The following TUBGCP4 variants were observed in gnomAD, a reference collection of about 807,000 sequenced individuals.
TUBGCP4 encodes gamma-tubulin complex component 4.
In TUBGCP4, 54 loss-of-function variants were observed where a neutral mutation model predicts 91.6. The ratio of observed to expected loss-of-function variants is 0.59; its 90% CI spans 0.47 to 0.74. TUBGCP4 has a LOEUF of 0.74. TUBGCP4 is among the 30% of genes least tolerant of loss of function. The probability of loss-of-function intolerance (pLI) is 0.00; values close to 1 mark genes in which losing one functional copy is unlikely to be tolerated. For missense variants in TUBGCP4, 593 were observed against 800.9 expected (o/e 0.74, Z 3.13); for synonymous variants, 297 against 302.8 (o/e 0.98, Z 0.20).
At chr15:43,373,004 A>C (rs2044147931) in intron 1 of TUBGCP4, among the ~76,000 whole-genome samples, 2 of 152,250 alleles carry the variant, frequency 1.3e-5, no homozygotes, top group Admixed American at 1.3e-4. Context: ...AAAGAAGACA[A>C]AGATGGCAAA....
chr15:43,399,130 A>T, intron 13 of TUBGCP4: 1 of 1,277,150 alleles, frequency 7.8e-7, no homozygotes. Flanking sequence ...AATTTTAAAA[A>T]CCAAACAGAA....
At chr15:43,394,775 C>T (rs2044553503) in intron 9 of TUBGCP4, 7 of 349,084 alleles carry the variant, frequency 2.0e-5, no homozygotes, top group Admixed American at 1.3e-4. Context: ...TCTCTTGCTC[C>T]TATTCCTGCC....
Position 43,408,099 on chromosome 15 carries a change from G to A in TUBGCP4, c.*2885G>A. On this transcript the variant is annotated 3_prime_UTR_variant, in exon 18 of 18. Transcript: ENST00000564079. ...TTTTCACGGGGTTGCCTATGAAGGA[G>A]ACAGGAAAGGACCTTAGCATGACAA... The A allele has an allele frequency of 1.2e-6, 2 of 1,612,780 alleles. No homozygotes were observed. Among genetic ancestry groups the A allele is most frequent in the Non-Finnish European group, 1.7e-6 (2 of 1,179,440 alleles).
intron 9 of TUBGCP4, chr15:43,394,817 G>T: frequency 2.4e-6 from 1 of 422,806 alleles, no homozygotes. Context: ...TGCCATGATT[G>T]TAAGTTTCCT....
At chr15:43,393,718 G>T (rs978828495) in intron 9 of TUBGCP4, among the ~76,000 whole-genome samples, 16 of 152,172 alleles carry the variant, frequency 1.1e-4, no homozygotes, top group African/African-American at 2.9e-4. Context: ...GTCCTTGTGA[G>T]AGTTTGCTGA....
Position 43,409,734 on chromosome 15 carries a change from CA to C in TUBGCP4, c.*4525del. The C allele has an allele frequency of 6.6e-7, 1 of 1,510,396 alleles. No homozygotes were observed. Among genetic ancestry groups the C allele is most frequent in the Non-Finnish European group, 9.0e-7 (1 of 1,117,178 alleles). The allele number at this position is 1,510,396 out of a possible 1,614,324, so 93.6% of individuals were successfully genotyped here. ...ACTGCTTGTTGAAAGGAGGAATTTC[CA>C]AAAATTCTATATTAAAAAAAAAAAC... On this transcript the variant is annotated 3_prime_UTR_variant, in exon 18 of 18. Coordinates refer to ENST00000564079, the MANE Select transcript of TUBGCP4 (RefSeq NM_014444.5).
chr15:43,398,064 C>T lies in TUBGCP4; in HGVS notation c.1303C>T (p.Pro435Ser). 1 of 1,613,812 alleles carries T rather than the reference C, an allele frequency of 6.2e-7. No individual in the cohort carries two copies. ...AGATGCTACTCAGGCAAGAGAAGGGCCTTCTCGGGAAACTTCTCCCCGGGA... is the reference window on the plus strand; with the variant it reads ...AGATGCTACTCAGGCAAGAGAAGGGTCTTCTCGGGAAACTTCTCCCCGGGA... ...HKDATQAREG[P>S]SRETSPREAP... The change falls in exon 13 of 18, where the codon CCT becomes TCT. Residue 435 changes from proline to serine, a missense_variant. Physicochemically the swap from Pro to Ser is moderately conservative, Grantham distance 74. Coordinates refer to ENST00000564079, the MANE Select transcript of TUBGCP4 (RefSeq NM_014444.5).
In TUBGCP4 at chr15:43,408,180, TC is replaced by T. The variant is rs769450021; in HGVS notation, c.*2967del. The T allele has an allele frequency of 1.7e-4, 223 of 1,313,522 alleles. No homozygotes were observed. The highest frequency in any genetic ancestry group is 2.3e-4 in the Non-Finnish European group (216 of 952,348). The allele number at this position is 1,313,522 out of a possible 1,614,324, so 81.4% of individuals were successfully genotyped here. Reference sequence around the variant, plus strand: ...GGGACTCATGTACATCTGAATGCTTTCAAAAATAAATGCCCCATCAGACATA... The same window carrying T: ...GGGACTCATGTACATCTGAATGCTTTAAAAATAAATGCCCCATCAGACATA... On this transcript the variant is annotated 3_prime_UTR_variant, in exon 18 of 18. Transcript: ENST00000564079.
intron 16 of TUBGCP4, 158 bp from the exon 17 acceptor site, chr15:43,404,255 A>C: frequency 1.3e-6 from 1 of 790,614 alleles, no homozygotes; most frequent in Non-Finnish European, 2.0e-6. Flanking sequence ...GGTACAAGTC[A>C]TTTTAGGAAC....
At chr15:43,402,006 C>T (rs1595501006) in intron 15 of TUBGCP4, 156 bp downstream of exon 15, 4 of 932,188 alleles carry the variant, frequency 4.3e-6, no homozygotes, top group Non-Finnish European at 6.2e-6. Flanking sequence ...GGCATGGTGG[C>T]TCATGCCTGT....
At chr15:43,399,464 C>T (rs1028146855) in intron 13 of TUBGCP4, among the ~76,000 whole-genome samples, 3 of 152,174 alleles carry the variant, frequency 2.0e-5, no homozygotes, top group African/African-American at 7.2e-5. Flanking sequence ...CCTGCCTCAA[C>T]CTCCCAAGCA....
At chr15:43,385,271 G>C in intron 7 of TUBGCP4, 2 of 446,528 alleles carry the variant, frequency 4.5e-6, no homozygotes, top group Middle Eastern at 3.9e-4. Flanking sequence ...TTCATGAAAT[G>C]TTATATGTCT....
At chr15:43,391,666 A>C (rs1282417673) in intron 9 of TUBGCP4, 1 of 152,000 alleles carries the variant, frequency 6.6e-6, no homozygotes, top group Non-Finnish European at 1.5e-5. Flanking sequence ...CTCAAGTGAA[A>C]CTTCTGCCCC....
intron 6 of TUBGCP4, among the ~76,000 whole-genome samples, chr15:43,381,775 T>G (rs928161261): frequency 1.6e-4 from 25 of 152,024 alleles, no homozygotes; most frequent in African/African-American, 6.0e-4. Flanking sequence ...AGTGTATCCT[T>G]TAGTTTCACC....
Position 43,386,285 on chromosome 15 carries a change from G to A in TUBGCP4, c.969G>A (p.Val323=), listed in dbSNP as rs766300515. The change falls in exon 9 of 18, where the codon GTG becomes GTA. Residue 323 remains valine (V), a synonymous_variant. Coordinates refer to ENST00000564079, the MANE Select transcript of TUBGCP4 (RefSeq NM_014444.5). ...RLKQQPLFSL[V]DFEQVVDRIR... Reference sequence around the variant, plus strand: ...AGCAGCAGCCACTCTTCAGCTTGGTGGACTTTGAACAGGTGGTGGATCGCA... The same window carrying A: ...AGCAGCAGCCACTCTTCAGCTTGGTAGACTTTGAACAGGTGGTGGATCGCA... 8 of 1,585,944 alleles carry A rather than the reference G, an allele frequency of 5.0e-6. No homozygotes were observed. The highest frequency in any genetic ancestry group is 6.0e-6 in the Non-Finnish European group (7 of 1,168,422).
At position 43,405,221 on chromosome 15, in the gene TUBGCP4, C is replaced by G. The variant is rs1566906565; in HGVS notation, c.*7C>G. The stretch of plus-strand genomic sequence containing the variant: ...TTGTAGTTTCGGGATGTGAAAATTT[C>G]TGGCTCATAAATTGAAATAACAGCC... On this transcript the variant is annotated 3_prime_UTR_variant, in exon 18 of 18. Coordinates refer to ENST00000564079, the MANE Select transcript of TUBGCP4 (RefSeq NM_014444.5). 6.2e-7 allele frequency: 1 copy of G among 1,614,068 alleles called. No individual in the cohort carries two copies. Among genetic ancestry groups the G allele is most frequent in the Non-Finnish European group, 8.5e-7 (1 of 1,179,972 alleles).
At position 43,404,444 on chromosome 15, in the gene TUBGCP4, A is replaced by G. The variant is rs1206587009; in HGVS notation, c.1880A>G (p.Lys627Arg). ...AGCCGCCAGTCTTCACTCCTGTTCA[A>G]GATTCTCTCCAGTGTTCGGAATCAT... Reference protein sequence around the residue: ...GFSRQSSLLFKILSSVRNHQI... With the variant: ...GFSRQSSLLFRILSSVRNHQI... The change falls in exon 17 of 18, where the codon AAG becomes AGG. Residue 627 changes from lysine (K) to arginine (R), a missense_variant. Coordinates refer to ENST00000564079, the MANE Select transcript of TUBGCP4 (RefSeq NM_014444.5). The G allele has an allele frequency of 6.2e-7, 1 of 1,614,174 alleles. No individual in the cohort carries two copies. Among genetic ancestry groups the G allele is most frequent in the Non-Finnish European group, 8.5e-7 (1 of 1,180,028 alleles).
At chr15:43,378,046 C>T (rs1022145345) in intron 5 of TUBGCP4, 143 bp downstream of exon 5, 4 of 624,186 alleles carry the variant, frequency 6.4e-6, no homozygotes, top group Non-Finnish European at 1.1e-5. Context: ...GCTTGGTTAT[C>T]ATGTTAAGTG....
At chr15:43,402,853 A>C (rs573157498) in intron 15 of TUBGCP4, 3 of 152,356 alleles carry the variant, frequency 2.0e-5, no homozygotes, top group Non-Finnish European at 4.4e-5. Context: ...GTTATTCCTC[A>C]GTGTGCTACA....
Sources: gnomAD v4.1 joint callset for allele counts (sites outside exome capture counted in the v4.1 genomes callset) on GRCh38, gnomAD v4.1.1 for gene constraint, MANE v1.5 for transcripts, NCBI Gene and HGNC (gene_info 2026-07-23, HGNC 2026-07-21) for gene names.